The following TRIM33 variants were observed in gnomAD, a reference collection of about 807,000 sequenced individuals.
TRIM33 encodes tripartite motif containing 33, also known as E3 ubiquitin-protein ligase TRIM33.
TRIM33 carries 20 observed loss-of-function variants against 125.4 expected under a neutral mutation model. The observed-to-expected ratio is 0.16, with a 90% CI of 0.11 to 0.23. The LOEUF (loss-of-function observed/expected upper bound fraction) is 0.23, where lower values mean the gene tolerates loss of function less well. TRIM33 is among the 10% of genes least tolerant of loss of function. TRIM33 has a pLI of 1.00. For missense variants in TRIM33, 920 were observed against 1,411.4 expected (o/e 0.65, Z 5.58); for synonymous variants, 564 against 513.9 (o/e 1.10, Z -1.32).
At chr1:114,399,948 A>T (rs376883131) in intron 17 of TRIM33, among the ~76,000 whole-genome samples, 1 of 151,624 alleles carries the variant, frequency 6.6e-6, no homozygotes, top group Non-Finnish European at 1.5e-5. Flanking sequence ...TTTTTTTTTT[A>T]AAGAAAAAAA....
intron 1 of TRIM33, among the ~76,000 whole-genome samples, chr1:114,476,474 TTC>T (rs1557888431): frequency 3.3e-5 from 5 of 152,168 alleles, no homozygotes; most frequent in Middle Eastern, 3.4e-3. Flanking sequence ...TAAAACTTAG[TTC>T]TTTCCTTGAC....
chr1:114,477,306 C>A (rs1421682058), intron 1 of TRIM33, among the ~76,000 whole-genome samples: 1 of 147,828 alleles, frequency 6.8e-6, no homozygotes, highest in Non-Finnish European at 1.5e-5. Flanking sequence ...AATCATTTAC[C>A]AAAATATTAA....
chr1:114,399,024 G>C (rs1651719312), intron 18 of TRIM33, among the ~76,000 whole-genome samples: 1 of 151,544 alleles, frequency 6.6e-6, no homozygotes, highest in Non-Finnish European at 1.5e-5. Context: ...ATATACTCTG[G>C]GCTACTATTC....
Position 114,464,372 on chromosome 1 carries a change from G to T in TRIM33, c.543C>A (p.Cys181Ter). ...GTCTGCATTCTTGGCGGCATACTGGGCACCGTATTACACCAACTACAACAT... is the reference window on the plus strand; with the variant it reads ...GTCTGCATTCTTGGCGGCATACTGGTCACCGTATTACACCAACTACAACAT... ...GDIQQVGVIR[C>*]PVCRQECRQI... The change falls in exon 2 of 20, where the codon TGC becomes TGA. Residue 181 changes from cysteine to a stop codon, truncating the protein, a stop_gained. Coordinates refer to ENST00000358465, the MANE Select transcript of TRIM33 (RefSeq NM_015906.4). LOFTEE classifies it high-confidence loss of function. 1 of 1,597,488 alleles carries T rather than the reference G, an allele frequency of 6.3e-7. No homozygotes were observed.
chr1:114,471,185 C>G (rs1012040056), intron 1 of TRIM33, among the ~76,000 whole-genome samples: 2 of 152,104 alleles, frequency 1.3e-5, no homozygotes, highest in Non-Finnish European at 2.9e-5. Context: ...ATGGTGGCTC[C>G]CACCTGTAAT....
intron 1 of TRIM33, among the ~76,000 whole-genome samples, chr1:114,507,258 G>C (rs975414775): frequency 3.9e-5 from 6 of 152,202 alleles, no homozygotes; most frequent in African/African-American, 1.4e-4. Context: ...TGTTAAACGA[G>C]ACTACTGGAC....
At chr1:114,443,139 T>G (rs182680590) in intron 4 of TRIM33, among the ~76,000 whole-genome samples, 3,949 of 151,196 alleles carry the variant, frequency 0.026, 90 homozygotes, top group Non-Finnish European at 0.034. Context: ...ATCCCAGCAC[T>G]TTGGGAGGCT....
intron 1 of TRIM33, among the ~76,000 whole-genome samples, chr1:114,493,895 C>T (rs993637750): frequency 6.6e-6 from 1 of 152,124 alleles, no homozygotes; most frequent in Non-Finnish European, 1.5e-5. Flanking sequence ...GGCACGATCT[C>T]GGCTCACTGC....
intron 6 of TRIM33, among the ~76,000 whole-genome samples, chr1:114,430,333 C>T (rs1263118390): frequency 6.6e-6 from 1 of 152,146 alleles, no homozygotes; most frequent in African/African-American, 2.4e-5. Context: ...CAGCCTTGAC[C>T]TCCCGGGCTC....
intron 4 of TRIM33, among the ~76,000 whole-genome samples, chr1:114,436,708 G>A (rs1043775326): frequency 1.3e-5 from 2 of 151,892 alleles, no homozygotes; most frequent in African/African-American, 2.4e-5. Context: ...CAGATGATCC[G>A]CCCACCTCGA....
chr1:114,458,133 T>C (rs902431660), intron 4 of TRIM33, among the ~76,000 whole-genome samples: 3 of 152,208 alleles, frequency 2.0e-5, no homozygotes, highest in African/African-American at 4.8e-5. Context: ...AGTTTCTTCC[T>C]GAAACTAATA....
rs1329026393 is a variant in TRIM33, at chr1:114,511,120, G to T, written c.-44C>A. On this transcript the variant is annotated 5_prime_UTR_variant, in exon 1 of 20. Transcript: ENST00000358465. ...GCCGGACCGCCCCGCGCCGCCCGCC[G>T]CCCGCGTCGCCGCCGCCGCCGCCCC... The T allele has an allele frequency of 5.4e-6, 6 of 1,119,154 alleles. No homozygotes were observed. The highest frequency in any genetic ancestry group is 6.5e-6 in the Non-Finnish European group (6 of 919,574). The allele number at this position is 1,119,154 out of a possible 1,614,324, so 69.3% of individuals were successfully genotyped here.
chr1:114,437,805 G>C (rs940497561), intron 4 of TRIM33, among the ~76,000 whole-genome samples: 3 of 152,020 alleles, frequency 2.0e-5, no homozygotes, highest in African/African-American at 7.3e-5. Flanking sequence ...AAAATTATCT[G>C]GTTTTGATCA....
At chr1:114,509,978 A>C (rs916656140) in intron 1 of TRIM33, among the ~76,000 whole-genome samples, 2 of 152,016 alleles carry the variant, frequency 1.3e-5, no homozygotes, top group African/African-American at 4.8e-5. Context: ...CATGCAGTCC[A>C]CTTTCCGAGT....
intron 11 of TRIM33, among the ~76,000 whole-genome samples, chr1:114,420,017 T>A (rs1653180037): frequency 6.6e-6 from 1 of 152,166 alleles, no homozygotes; most frequent in Non-Finnish European, 1.5e-5. Context: ...GTTACAACAG[T>A]TTCATTGCTC....
intron 1 of TRIM33, among the ~76,000 whole-genome samples, chr1:114,483,568 C>T (rs1025768425): frequency 2.6e-5 from 4 of 151,792 alleles, no homozygotes; most frequent in Non-Finnish European, 4.4e-5. Flanking sequence ...CCCACCACCA[C>T]GCTCAGCTAA....
intron 1 of TRIM33, among the ~76,000 whole-genome samples, chr1:114,486,945 G>C (rs1651736543): frequency 6.6e-6 from 1 of 151,942 alleles, no homozygotes. Context: ...AAATTAGCCA[G>C]GTATGGTGGC....
chr1:114,417,266 A>C (rs7547836), intron 11 of TRIM33, among the ~76,000 whole-genome samples: 37,972 of 152,074 alleles, frequency 0.25, 4,932 homozygotes, highest in Middle Eastern at 0.29. Flanking sequence ...TTCTTGAATT[A>C]GTGGTAATGG....
In TRIM33 at chr1:114,407,100, G is replaced by A. The variant is rs1459260653; in HGVS notation, c.2259C>T (p.Ser753=). The A allele has an allele frequency of 6.2e-7, 1 of 1,608,324 alleles. No homozygotes were observed. Among genetic ancestry groups the A allele is most frequent in the Non-Finnish European group, 8.5e-7 (1 of 1,178,094 alleles). Reference sequence around the variant, plus strand: ...CAGCAGTTCTTCCTGATGACCCACAGCTAATAAGAAACAACAAATAAAGAT... The same window carrying A: ...CAGCAGTTCTTCCTGATGACCCACAACTAATAAGAAACAACAAATAAAGAT... ...PSTSSTGSRG[S]CGSSGRTAEK... is the part of the protein sequence containing the mutation. The change falls in exon 14 of 20, where the codon AGC becomes AGT. Residue 753 remains serine, a splice_region_variant and synonymous_variant. Transcript: ENST00000358465.
Sources: gnomAD v4.1 joint callset for allele counts (sites outside exome capture counted in the v4.1 genomes callset) on GRCh38, gnomAD v4.1.1 for gene constraint, MANE v1.5 for transcripts, NCBI Gene and HGNC (gene_info 2026-07-23, HGNC 2026-07-21) for gene names.